CPQ: variants seen among roughly 807,000 people sequenced by gnomAD.
The protein encoded by CPQ is Ser-Met dipeptidase.
A neutral mutation model predicts 45.7 loss-of-function variants in CPQ; 37 were observed. The ratio of observed to expected loss-of-function variants is 0.81; its 90% CI spans 0.62 to 1.07. CPQ has a LOEUF of 1.07. Ranked by LOEUF, CPQ falls within the 50% of genes least tolerant of loss-of-function variation. The pLI, the probability that CPQ is intolerant of heterozygous loss-of-function variation, is 0.00. For missense variants in CPQ, 537 were observed against 572.9 expected, an observed-to-expected ratio of 0.94 and a Z score of 0.64; for synonymous variants, 186 against 205.8, an observed-to-expected ratio of 0.90 and a Z score of 0.82.
At chr8:96,809,707 G>T (rs1163009655) in intron 2 of CPQ, among the ~76,000 whole-genome samples, 1 of 151,862 alleles carries the variant, frequency 6.6e-6, no homozygotes, top group Non-Finnish European at 1.5e-5. Context: ...CTATGGAATT[G>T]TATACTGAAA....
chr8:96,841,529 C>G (rs1811609035), intron 3 of CPQ, among the ~76,000 whole-genome samples: 1 of 152,190 alleles, frequency 6.6e-6, no homozygotes. Flanking sequence ...GATAGTTGAA[C>G]AGGGACTGCG....
intron 4 of CPQ, among the ~76,000 whole-genome samples, chr8:96,898,091 C>T (rs1444408850): frequency 6.6e-6 from 1 of 152,158 alleles, no homozygotes; most frequent in Non-Finnish European, 1.5e-5. Flanking sequence ...TTGGAAACAG[C>T]ACCTCTCCCA....
intron 1 of CPQ, among the ~76,000 whole-genome samples, chr8:96,704,569 G>C (rs902602704): frequency 6.6e-6 from 1 of 152,086 alleles, no homozygotes. Context: ...TCAAAGAATG[G>C]AACATTAGAA....
chr8:97,101,426 C>CTATA (rs144327113), intron 7 of CPQ, among the ~76,000 whole-genome samples: 1 of 148,808 alleles, frequency 6.7e-6, no homozygotes, highest in African/African-American at 2.5e-5. Context: ...TTCTGCCGTA[C>CTATA]TATATATATA....
intron 5 of CPQ, among the ~76,000 whole-genome samples, chr8:96,966,823 A>G (rs1813575001): frequency 6.6e-6 from 1 of 152,236 alleles, no homozygotes; most frequent in Non-Finnish European, 1.5e-5. Context: ...ATGACAGAAA[A>G]TATTTTGACC....
At chr8:96,741,485 T>C (rs1263768324) in intron 1 of CPQ, among the ~76,000 whole-genome samples, 1 of 152,226 alleles carries the variant, frequency 6.6e-6, no homozygotes, top group African/African-American at 2.4e-5. Flanking sequence ...TCAGTTCTGC[T>C]CTGATTTTAG....
rs1472871423 is a variant in CPQ, at chr8:97,124,948, GA to G, written c.1256-18068del. Among the ~76,000 whole-genome samples the G allele has an allele frequency of 2.0e-5, 3 of 151,882 alleles. No individual in the cohort carries two copies. The East Asian group carries it at 5.8e-4, about 29-fold the overall frequency. ...GAAATAGAAAATAATAAATAATAGA[GA>G]AAATCAATGAATTTTAAAACGGACT... On this transcript the variant is annotated intron_variant, in intron 7 of 7. Coordinates refer to ENST00000220763, the MANE Select transcript of CPQ (RefSeq NM_016134.4).
intron 6 of CPQ, among the ~76,000 whole-genome samples, chr8:97,045,090 G>T (rs1810215155): frequency 2.0e-5 from 3 of 152,216 alleles, no homozygotes. Context: ...GCCCCCAGAG[G>T]TGGAGCCTAC....
At chr8:96,765,012 A>C (rs1810449168) in intron 1 of CPQ, among the ~76,000 whole-genome samples, 1 of 152,336 alleles carries the variant, frequency 6.6e-6, no homozygotes, top group Non-Finnish European at 1.5e-5. Context: ...CTTTGTTAAA[A>C]TCTGTACCTA....
chr8:96,672,783 A>T (rs1423854813), intron 1 of CPQ, among the ~76,000 whole-genome samples: 20 of 151,910 alleles, frequency 1.3e-4, no homozygotes, highest in Admixed American at 9.2e-4. Context: ...GTCTCAATTT[A>T]AAAAAAATGG....
chr8:96,860,314 A>G (rs1811909579), intron 3 of CPQ, among the ~76,000 whole-genome samples: 2 of 152,198 alleles, frequency 1.3e-5, no homozygotes, highest in Admixed American at 6.5e-5. Flanking sequence ...TAATAATAGC[A>G]TATTTTCAAT....
At chr8:96,908,121 T>TGC (rs1427480909) in intron 4 of CPQ, among the ~76,000 whole-genome samples, 1 of 150,780 alleles carries the variant, frequency 6.6e-6, no homozygotes, top group African/African-American at 2.4e-5. Context: ...TGTGTGTGTG[T>TGC]GTGTGTGTGT....
intron 3 of CPQ, among the ~76,000 whole-genome samples, chr8:96,874,933 C>T (rs906409741): frequency 6.6e-6 from 1 of 151,880 alleles, no homozygotes; most frequent in African/African-American, 2.4e-5. Flanking sequence ...TCCAGAGTAA[C>T]TATGCCATTT....
At chr8:96,656,175 C>A (rs1218045053) in intron 1 of CPQ, among the ~76,000 whole-genome samples, 6 of 152,196 alleles carry the variant, frequency 3.9e-5, no homozygotes, top group African/African-American at 1.4e-4. Flanking sequence ...CTCTTCTGGT[C>A]TTTACAGGTA....
chr8:97,094,286 C>A (rs1315708864), intron 7 of CPQ, among the ~76,000 whole-genome samples: 1 of 152,168 alleles, frequency 6.6e-6, no homozygotes, highest in East Asian at 1.9e-4. Flanking sequence ...TAGTATTCAG[C>A]ACAGCTTTGG....
At chr8:96,913,519 T>G (rs546539881) in intron 4 of CPQ, among the ~76,000 whole-genome samples, 1 of 152,312 alleles carries the variant, frequency 6.6e-6, no homozygotes, top group South Asian at 2.1e-4. Flanking sequence ...GATTGGACTC[T>G]CCTCTATCTT....
chr8:96,911,018 T>C (rs1318992011), intron 4 of CPQ, among the ~76,000 whole-genome samples: 1 of 152,012 alleles, frequency 6.6e-6, no homozygotes, highest in Non-Finnish European at 1.5e-5. Context: ...AAGAAATCGA[T>C]ATTATTATCT....
At chr8:96,804,946 T>G (rs1452877749) in intron 2 of CPQ, among the ~76,000 whole-genome samples, 1 of 152,204 alleles carries the variant, frequency 6.6e-6, no homozygotes, top group Non-Finnish European at 1.5e-5. Flanking sequence ...GTTTTGTCCC[T>G]TAGTTCATGG....
rs74590137 is a variant in CPQ at position 96,889,191 on chromosome 8, G to A, written c.849+9186G>A. On this transcript the variant is annotated intron_variant, in intron 4 of 7. Transcript: ENST00000220763. Reference sequence around the variant, plus strand: ...TGTAGAGTTTTAGCAGTGGATTTGCGTTTTAGCAGTGGATTTTCATTTTAG... The same window carrying A: ...TGTAGAGTTTTAGCAGTGGATTTGCATTTTAGCAGTGGATTTTCATTTTAG... Among the ~76,000 whole-genome samples the A allele has an allele frequency of 3.9e-5, 6 of 152,334 alleles. No homozygotes were observed. In the East Asian group the frequency reaches 7.7e-4, roughly 20 times the overall value.
Sources: gnomAD v4.1 joint callset for allele counts (sites outside exome capture counted in the v4.1 genomes callset) on GRCh38, gnomAD v4.1.1 for gene constraint, MANE v1.5 for transcripts, NCBI Gene and HGNC (gene_info 2026-07-23, HGNC 2026-07-21) for gene names.